Variants in MAP3K4 observed in about 807,000 individuals in gnomAD.
MAP3K4 encodes the protein mitogen-activated protein kinase kinase kinase 4.
Under a neutral mutation model 185.6 loss-of-function variants are expected in MAP3K4, and 67 were observed. The ratio of observed to expected loss-of-function variants is 0.36; its 90% CI spans 0.30 to 0.44. The LOEUF (loss-of-function observed/expected upper bound fraction) is 0.44. MAP3K4 is among the 20% of genes least tolerant of loss of function. The pLI, the probability that MAP3K4 is intolerant of heterozygous loss-of-function variation, is 1.00. For missense variants in MAP3K4, 1,551 were observed against 1,995.1 expected, an observed-to-expected ratio of 0.78 and a Z score of 4.24; for synonymous variants, 702 against 710.4, an observed-to-expected ratio of 0.99 and a Z score of 0.19.
chr6:161,045,155 T>C (rs939765834), intron 2 of MAP3K4, among the ~76,000 whole-genome samples: 43 of 152,222 alleles, frequency 2.8e-4, no homozygotes, highest in Non-Finnish European at 1.5e-4. Flanking sequence ...TGCGTCATTA[T>C]TTAAACTAAG....
In MAP3K4 at chr6:160,996,117, CT is replaced by C. The variant is rs71542992; in HGVS notation, c.152+4036del. 0.09 allele frequency among the ~76,000 whole-genome samples: 13,753 copies of C among 152,180 alleles called. 785 individuals carry two copies. Among genetic ancestry groups the C allele is most frequent in the African/African-American group, 0.17 (6,967 of 41,494 alleles). On this transcript the variant is annotated intron_variant, in intron 1 of 26. Coordinates refer to ENST00000392142, the MANE Select transcript of MAP3K4 (RefSeq NM_005922.4). The surrounding 1 kb of genome is among the most constrained non-coding windows in gnomAD (Gnocchi z 4.5). ...TGAGCCTGTGTGTTTCAGTCTTGAC[CT>C]TGTATGTCAACTGTTCTCCCTGGCA...
Position 161,114,242 on chromosome 6 carries a change from TATG to T in MAP3K4, c.4627-875_4627-873del, listed in dbSNP as rs1171248809. Among the ~76,000 whole-genome samples the T allele has an allele frequency of 2.0e-5, 3 of 152,208 alleles. No individual in the cohort carries two copies. The highest frequency in any genetic ancestry group is 2.4e-5 in the African/African-American group (1 of 41,446). On this transcript the variant is annotated intron_variant, in intron 25 of 26. Coordinates refer to ENST00000392142, the MANE Select transcript of MAP3K4 (RefSeq NM_005922.4). This position sits in a 1 kb window ranked among gnomAD's most constrained non-coding sequence, Gnocchi z 4.3. ...GTTTTCTGCTTCTGAAAATGTATCT[TATG>T]ATGATAATATTAATGAGCAGTTATA...
At chr6:161,069,560 A>G (rs1784844712) in intron 3 of MAP3K4, among the ~76,000 whole-genome samples, 2 of 152,246 alleles carry the variant, frequency 1.3e-5, no homozygotes, top group African/African-American at 2.4e-5. Flanking sequence ...TGTTTGGGCC[A>G]TATTTGGTAG....
chr6:161,065,105 A>T (rs1784649385), intron 3 of MAP3K4, among the ~76,000 whole-genome samples: 1 of 152,206 alleles, frequency 6.6e-6, no homozygotes, highest in African/African-American at 2.4e-5. Context: ...GGAGGTGGTC[A>T]CTAGGAGGAA....
Position 161,056,827 on chromosome 6 carries a change from A to G in MAP3K4, c.1707+6848A>G, listed in dbSNP as rs774112135. Among the ~76,000 whole-genome samples the G allele has an allele frequency of 6.6e-6, 1 of 152,166 alleles. No homozygotes were observed. Among genetic ancestry groups the G allele is most frequent in the Non-Finnish European group, 1.5e-5 (1 of 68,028 alleles). ...GATTCATTTATTTCATCTGCGTTGCATCCTGGGATCCTCCAAAATCCTGAT... is the reference window on the plus strand; with the variant it reads ...GATTCATTTATTTCATCTGCGTTGCGTCCTGGGATCCTCCAAAATCCTGAT... On this transcript the variant is annotated intron_variant, in intron 3 of 26. Coordinates refer to ENST00000392142, the MANE Select transcript of MAP3K4 (RefSeq NM_005922.4). This position sits in a 1 kb window ranked among gnomAD's most constrained non-coding sequence, Gnocchi z 5.4.
chr6:161,040,024 G>T (rs1420203273), intron 2 of MAP3K4, among the ~76,000 whole-genome samples: 1 of 152,114 alleles, frequency 6.6e-6, no homozygotes, highest in South Asian at 2.1e-4. Context: ...TTGCTGTATT[G>T]AATGGTATGT....
chr6:161,058,355 A>G (rs768117609), intron 3 of MAP3K4, among the ~76,000 whole-genome samples: 1 of 152,174 alleles, frequency 6.6e-6, no homozygotes. Flanking sequence ...CCAGGTTACC[A>G]CAGTATCCAT....
At chr6:161,011,070 G>A (rs1371019004) in intron 1 of MAP3K4, among the ~76,000 whole-genome samples, 1 of 152,114 alleles carries the variant, frequency 6.6e-6, no homozygotes, top group East Asian at 1.9e-4. Flanking sequence ...CAGAAAGAAG[G>A]GTGGGAAGGA....
At chr6:161,002,529 A>G (rs1357548914) in intron 1 of MAP3K4, among the ~76,000 whole-genome samples, 1 of 151,280 alleles carries the variant, frequency 6.6e-6, no homozygotes, top group Non-Finnish European at 1.5e-5. Context: ...ATGGAAAACT[A>G]TGAATCATAT....
chr6:161,026,362 T>C (rs9355329), intron 1 of MAP3K4, among the ~76,000 whole-genome samples: 125,398 of 151,708 alleles, frequency 0.83, 52,410 homozygotes, highest in African/African-American at 0.95. Context: ...GTCTTGATCT[T>C]CTGACCTCGT....
In MAP3K4 at chr6:161,097,669, G is replaced by A. The variant is rs752191144; in HGVS notation, c.3524+493G>A. Reference sequence around the variant, plus strand: ...CATTCACGATAACTGCCTTGAATGTGGTGGCATTTCTGCATCTTGAGGTAG... The same window carrying A: ...CATTCACGATAACTGCCTTGAATGTAGTGGCATTTCTGCATCTTGAGGTAG... On this transcript the variant is annotated intron_variant, in intron 16 of 26. Coordinates refer to ENST00000392142, the MANE Select transcript of MAP3K4 (RefSeq NM_005922.4). This position sits in a 1 kb window ranked among gnomAD's most constrained non-coding sequence, Gnocchi z 4.9. Among the ~76,000 whole-genome samples the A allele has an allele frequency of 6.6e-6, 1 of 152,174 alleles. No homozygotes were observed. Among genetic ancestry groups the A allele is most frequent in the African/African-American group, 2.4e-5 (1 of 41,450 alleles).
At chr6:161,055,931 C>G (rs1425159934) in intron 3 of MAP3K4, among the ~76,000 whole-genome samples, 1 of 152,184 alleles carries the variant, frequency 6.6e-6, no homozygotes, top group Non-Finnish European at 1.5e-5. Context: ...GGGGGAGTAT[C>G]TAATGTATTA....
At chr6:161,062,518 G>A (rs1417167534) in intron 3 of MAP3K4, among the ~76,000 whole-genome samples, 1 of 152,140 alleles carries the variant, frequency 6.6e-6, no homozygotes, top group East Asian at 1.9e-4. Context: ...AGTGACACCT[G>A]TTCTTTAGTA....
At position 161,106,891 on chromosome 6, in the gene MAP3K4, A is replaced by G. The variant is rs988002336; in HGVS notation, c.4048+186A>G. ...TGTTTAATTTGTAAAATGTATTCTAAGAGCAATACAAAATGAGATTTTAGA... is the reference window on the plus strand; with the variant it reads ...TGTTTAATTTGTAAAATGTATTCTAGGAGCAATACAAAATGAGATTTTAGA... On this transcript the variant is annotated intron_variant, in intron 20 of 26. Transcript: ENST00000392142. This position sits in a 1 kb window ranked among gnomAD's most constrained non-coding sequence, Gnocchi z 4.9. Among the ~76,000 whole-genome samples the G allele has an allele frequency of 6.6e-6, 1 of 152,150 alleles. No individual in the cohort carries two copies. The highest frequency in any genetic ancestry group is 2.4e-5 in the African/African-American group (1 of 41,420).
intron 3 of MAP3K4, among the ~76,000 whole-genome samples, chr6:161,058,840 T>G (rs1784363925): frequency 6.6e-6 from 1 of 152,126 alleles, no homozygotes; most frequent in East Asian, 1.9e-4. Context: ...GTACCATAAC[T>G]TATTTAATTA....
Position 161,117,140 on chromosome 6 carries a change from T to C in MAP3K4, c.*270T>C. Reference sequence around the variant, plus strand: ...CCATCGCCTCTGTCTCCTCCGTGTCTCGCGCGACTGAGAACCGTGACATCA... The same window carrying C: ...CCATCGCCTCTGTCTCCTCCGTGTCCCGCGCGACTGAGAACCGTGACATCA... On this transcript the variant is annotated 3_prime_UTR_variant, in exon 27 of 27. Coordinates refer to ENST00000392142, the MANE Select transcript of MAP3K4 (RefSeq NM_005922.4). The C allele has an allele frequency of 2.2e-6, 1 of 449,464 alleles. No homozygotes were observed. 27.8% of individuals were successfully genotyped at this position (449,464 alleles called of 1,614,324 possible). A position where few individuals can be genotyped will look rare whatever the true frequency, so the allele number is the denominator to read the frequency against.
At chr6:161,060,911 C>T (rs1456223817) in intron 3 of MAP3K4, among the ~76,000 whole-genome samples, 1 of 152,142 alleles carries the variant, frequency 6.6e-6, no homozygotes, top group Non-Finnish European at 1.5e-5. Flanking sequence ...CGAGCCACCG[C>T]GCCCGGCCAC....
intron 1 of MAP3K4, among the ~76,000 whole-genome samples, chr6:160,997,497 T>A (rs942526412): frequency 6.6e-6 from 1 of 152,248 alleles, no homozygotes; most frequent in Admixed American, 6.5e-5. Flanking sequence ...GTGAAGATGC[T>A]CATGATACAA....
rs1784487772 is a variant in MAP3K4 at position 161,061,597 on chromosome 6, C to T, written c.1708-9011C>T. 6.6e-6 allele frequency among the ~76,000 whole-genome samples: 1 copy of T among 152,190 alleles called. No homozygotes were observed. Among genetic ancestry groups the T allele is most frequent in the African/African-American group, 2.4e-5 (1 of 41,440 alleles). The stretch of plus-strand genomic sequence containing the variant: ...CATTGCCCCTAAAAGAAGTCCTGTA[C>T]CCTTTAGCTGTCACCTCCACAATTC... On this transcript the variant is annotated intron_variant, in intron 3 of 26. Transcript: ENST00000392142. The surrounding 1 kb of genome is among the most constrained non-coding windows in gnomAD (Gnocchi z 4.2).
Sources: allele counts gnomAD v4.1 joint callset (sites outside exome capture counted in the v4.1 genomes callset), GRCh38; gene constraint gnomAD v4.1.1; non-coding constraint Gnocchi (gnomAD v3.1); transcripts MANE v1.5; gene names NCBI Gene and HGNC (gene_info 2026-07-23, HGNC 2026-07-21).